The following ANKRD10 variants were observed in gnomAD, a reference collection of about 807,000 sequenced individuals.
ANKRD10 encodes the protein ankyrin repeat domain-containing protein 10.
Under a neutral mutation model 27.0 loss-of-function variants are expected in ANKRD10, and 14 were observed. The observed-to-expected ratio is 0.52, with a 90% CI of 0.34 to 0.81. The LOEUF is 0.81. Among genes scored for constraint, ANKRD10 ranks in the 40% least tolerant of loss-of-function variants. ANKRD10 has a pLI of 0.01. For missense variants in ANKRD10, 493 were observed against 544.0 expected, an observed-to-expected ratio of 0.91 and a Z score of 0.93; for synonymous variants, 250 against 224.5, an observed-to-expected ratio of 1.11 and a Z score of -1.01.
chr13:110,893,953 C>A (rs1450747566), intron 3 of ANKRD10, among the ~76,000 whole-genome samples: 1 of 152,092 alleles, frequency 6.6e-6, no homozygotes, highest in Non-Finnish European at 1.5e-5. Context: ...AAAACTCATC[C>A]CTACCACTCA....
rs2065519091 is a variant in ANKRD10, at chr13:110,905,937, CAA to C, written c.455+94_455+95del. The C allele has an allele frequency of 2.5e-6, 3 of 1,190,858 alleles. No individual in the cohort carries two copies. In the African/African-American group the frequency reaches 4.7e-5, roughly 18 times the overall value. The allele number at this position is 1,190,858 out of a possible 1,614,324, so 73.8% of individuals were successfully genotyped here. The stretch of plus-strand genomic sequence containing the variant: ...AAAATTACATTACTAATTTTGAAAA[CAA>C]AGTTTTAGGACTTTTGCCTGCTTAT... On this transcript the variant is annotated intron_variant, in intron 3 of 5. Coordinates refer to ENST00000267339, the MANE Select transcript of ANKRD10 (RefSeq NM_017664.4).
At chr13:110,906,751 GAGA>G (rs1204296353) in intron 2 of ANKRD10, among the ~76,000 whole-genome samples, 1 of 152,024 alleles carries the variant, frequency 6.6e-6, no homozygotes, top group Non-Finnish European at 1.5e-5. Context: ...AGAGGAAAGG[GAGA>G]AGAACACAAA....
intron 4 of ANKRD10, among the ~76,000 whole-genome samples, chr13:110,890,418 A>G (rs1926713): frequency 0.031 from 4,702 of 152,300 alleles, 172 homozygotes; most frequent in South Asian, 0.18. Flanking sequence ...CAGGTGAGCT[A>G]AAGATGCCCA....
Position 110,879,385 on chromosome 13 carries a change from G to A in ANKRD10, c.*252C>T, listed in dbSNP as rs943974260. 1.7e-5 allele frequency: 8 copies of A among 468,426 alleles called. No homozygotes were observed. Among genetic ancestry groups the A allele is most frequent in the African/African-American group, 1.3e-4 (7 of 52,294 alleles). The allele number at this position is 468,426 out of a possible 1,614,324, so 29.0% of individuals were successfully genotyped here. Reference sequence around the variant, plus strand: ...GTATTAAAAAGACAATGTTGAGATTGGCATCAGAAAAACTCCAAAAGTGCA... The same window carrying A: ...GTATTAAAAAGACAATGTTGAGATTAGCATCAGAAAAACTCCAAAAGTGCA... On this transcript the variant is annotated 3_prime_UTR_variant, in exon 6 of 6. Transcript: ENST00000267339.
intron 3 of ANKRD10, chr13:110,894,422 A>AAAAAAAAAAC (rs2065173245): frequency 3.2e-6 from 1 of 315,880 alleles, no homozygotes; most frequent in South Asian, 8.9e-5. Context: ...AAAAAAAAAA[A>AAAAAAAAAAC]AAAAACCCCG....
At chr13:110,904,878 A>T (rs925993942) in intron 3 of ANKRD10, 2 of 152,372 alleles carry the variant, frequency 1.3e-5, no homozygotes, top group African/African-American at 2.4e-5. Context: ...AATAAACTTA[A>T]CAAAACAGAA....
At position 110,908,419 on chromosome 13, in the gene ANKRD10, C is replaced by G. The variant is rs199909237; in HGVS notation, c.363+2199G>C. On this transcript the variant is annotated intron_variant, in intron 2 of 5. Coordinates refer to ENST00000267339, the MANE Select transcript of ANKRD10 (RefSeq NM_017664.4). ...CACAGGCCTCTAGGCAGCATACGAG[C>G]TTTGGTAATCTCACCTCAGAGACTG... 1.6e-4 allele frequency among the ~76,000 whole-genome samples: 25 copies of G among 152,244 alleles called. No homozygotes were observed. The East Asian group carries it at 3.9e-3, about 23-fold the overall frequency.
intron 1 of ANKRD10, chr13:110,911,686 G>A (rs1487165347): frequency 1.3e-5 from 2 of 152,150 alleles, no homozygotes; most frequent in East Asian, 1.9e-4. Flanking sequence ...GGCTGAGACA[G>A]GAGAATCACT....
At chr13:110,895,439 CG>C (rs1566468137) in intron 3 of ANKRD10, 2 of 152,068 alleles carry the variant, frequency 1.3e-5, no homozygotes, top group Admixed American at 1.3e-4. Flanking sequence ...AAAAAATTAG[CG>C]GAGTGTGGTG....
rs186666913 is a variant in ANKRD10 at position 110,912,649 on chromosome 13, A to C, written c.211-1879T>G. Reference sequence around the variant, plus strand: ...GTATAAAAGCTACAACAGAGATTTTAAACAACTCGTTTAGTCCTCTGGCAA... The same window carrying C: ...GTATAAAAGCTACAACAGAGATTTTCAACAACTCGTTTAGTCCTCTGGCAA... On this transcript the variant is annotated intron_variant, in intron 1 of 5. Transcript: ENST00000267339. 6.1e-4 allele frequency among the ~76,000 whole-genome samples: 93 copies of C among 152,384 alleles called. 1 individual carries two copies. Among genetic ancestry groups the C allele is most frequent in the South Asian group, 1.9e-3 (9 of 4,832 alleles).
intron 2 of ANKRD10, among the ~76,000 whole-genome samples, chr13:110,906,623 C>T (rs558521175): frequency 6.6e-6 from 1 of 152,132 alleles, no homozygotes; most frequent in Non-Finnish European, 1.5e-5. Flanking sequence ...CTGCTTTGAA[C>T]TTGAAGTGGG....
chr13:110,883,464 C>CA, intron 5 of ANKRD10: 1 of 1,236,038 alleles, frequency 8.1e-7, no homozygotes, highest in Non-Finnish European at 1.0e-6. Context: ...CCAAGATATG[C>CA]AAATTATAGT....
Position 110,914,120 on chromosome 13 carries a change from C to T in ANKRD10, c.210+605G>A, listed in dbSNP as rs1037423781. ...GCAAACCCAGAAGCTGGAGAGCCGG[C>T]CTCCATCCCACACAGCTGCCGGGGC... On this transcript the variant is annotated intron_variant, in intron 1 of 5. Transcript: ENST00000267339. Among the ~76,000 whole-genome samples, 27 of 152,220 alleles carry T rather than the reference C, an allele frequency of 1.8e-4. 1 individual carries two copies. The highest frequency in any genetic ancestry group is 1.5e-5 in the Non-Finnish European group (1 of 68,028).
chr13:110,905,040 T>A (rs1277080380), intron 3 of ANKRD10: 1 of 152,238 alleles, frequency 6.6e-6, no homozygotes, highest in Non-Finnish European at 1.5e-5. Context: ...TTTTGTGGGT[T>A]TTATTTCCTC....
chr13:110,889,067 G>A (rs7323123), intron 4 of ANKRD10, among the ~76,000 whole-genome samples: 7,308 of 152,130 alleles, frequency 0.048, 308 homozygotes, highest in South Asian at 0.2. Flanking sequence ...TTCACTCATG[G>A]AAGGGACTGG....
intron 4 of ANKRD10, chr13:110,892,674 A>AT (rs1555321139): frequency 7.7e-5 from 48 of 623,034 alleles, no homozygotes; most frequent in Non-Finnish European, 8.5e-5. Context: ...CAAGAAGCAA[A>AT]TTAAAAAAAA....
Position 110,893,991 on chromosome 13 carries a change from A to C in ANKRD10, c.456-728T>G, listed in dbSNP as rs1267985751. 5 of 691,158 alleles carry C rather than the reference A, an allele frequency of 7.2e-6. No individual in the cohort carries two copies. In the African/African-American group the frequency reaches 9.0e-5, roughly 12 times the overall value. The allele number at this position is 691,158 out of a possible 1,614,324, so 42.8% of individuals were successfully genotyped here. On this transcript the variant is annotated intron_variant, in intron 3 of 5. Coordinates refer to ENST00000267339, the MANE Select transcript of ANKRD10 (RefSeq NM_017664.4). ...AGAACCAAAGTTTTACCTGGCTAAT[A>C]GTACTAAAAAGGAAAGGTCTGAGAC...
rs1205827155 is a variant in ANKRD10 at position 110,914,880 on chromosome 13, G to A, written c.55C>T (p.Leu19=). 2 of 1,544,314 alleles carry A rather than the reference G, an allele frequency of 1.3e-6. No homozygotes were observed. The highest frequency in any genetic ancestry group is 1.7e-6 in the Non-Finnish European group (2 of 1,147,994). ...GVEAGFSSEE[L]LSLRFPLHRA... ...TGCAGCGGGAAACGGAGCGAGAGCAGCTCCTCGCTGGAGAAGCCCGCCTCT... is the reference window on the plus strand; with the variant it reads ...TGCAGCGGGAAACGGAGCGAGAGCAACTCCTCGCTGGAGAAGCCCGCCTCT... The change falls in exon 1 of 6, where the codon CTG becomes TTG. Residue 19 remains leucine, a synonymous_variant. Coordinates refer to ENST00000267339, the MANE Select transcript of ANKRD10 (RefSeq NM_017664.4).
At chr13:110,914,397 C>A (rs1594657653) in intron 1 of ANKRD10, 2 of 197,168 alleles carry the variant, frequency 1.0e-5, no homozygotes, top group East Asian at 2.3e-4. Flanking sequence ...CGCGCTCGCA[C>A]AGGATCCGGC....
Sources: gnomAD v4.1 joint callset for allele counts (sites outside exome capture counted in the v4.1 genomes callset) on GRCh38, gnomAD v4.1.1 for gene constraint, MANE v1.5 for transcripts, NCBI Gene and HGNC (gene_info 2026-07-23, HGNC 2026-07-21) for gene names.